OR4C11: variants seen among roughly 807,000 people sequenced by gnomAD.
The protein encoded by OR4C11 is olfactory receptor family 4 subfamily C member 11.
OR4C11 carries 15 observed loss-of-function variants against 14.7 expected under a neutral mutation model. The observed-to-expected ratio is 1.02, with a 90% CI of 0.68 to 1.58. The LOEUF (loss-of-function observed/expected upper bound fraction) is 1.58, where lower values mean the gene tolerates loss of function less well. Ranked by LOEUF, OR4C11 falls within the 40% of genes most tolerant of loss-of-function variation. OR4C11 has a pLI of 0.00. For missense variants in OR4C11, 473 were observed against 383.0 expected, an observed-to-expected ratio of 1.24 and a Z score of -1.96; for synonymous variants, 146 against 135.0, an observed-to-expected ratio of 1.08 and a Z score of -0.57.
Position 55,603,468 on chromosome 11 carries a change from G to T in OR4C11, c.906C>A (p.Gly302=). ...ATCCTTTGTTTTCTGAAATAATTTTGCCATGCCATAACTTTCTCATGGCAT... is the reference window on the plus strand; with the variant it reads ...ATCCTTTGTTTTCTGAAATAATTTTTCCATGCCATAACTTTCTCATGGCAT... ...VKNAMRKLWH[G]KIISENKG Residue 302 remains glycine (G), a synonymous_variant, in exon 4 of 4, where the codon GGC becomes GGA. Transcript: ENST00000641580. 1.4e-6 allele frequency: 2 copies of T among 1,441,434 alleles called. No homozygotes were observed. Among genetic ancestry groups the T allele is most frequent in the East Asian group, 2.6e-5 (1 of 38,414 alleles). 89.3% of individuals were successfully genotyped at this position (1,441,434 alleles called of 1,614,324 possible). A position where few individuals can be genotyped will look rare whatever the true frequency, so the allele number is the denominator to read the frequency against.
rs755442386 is a variant in OR4C11 at position 55,604,080 on chromosome 11, T to C, written c.294A>G (p.Gln98=). 15 of 1,485,876 alleles carry C rather than the reference T, an allele frequency of 1.0e-5. 2 individuals carry two copies. The African/African-American group carries it at 1.8e-4, about 18-fold the overall frequency. 92.0% of individuals were successfully genotyped at this position (1,485,876 alleles called of 1,614,324 possible). A position where few individuals can be genotyped will look rare whatever the true frequency, so the allele number is the denominator to read the frequency against. The change falls in exon 4 of 4, where the codon CAA becomes CAG. Residue 98 remains glutamine (Q), a synonymous_variant. Transcript: ENST00000641580. Reference sequence around the variant, plus strand: ...AGCCAAATAAATGTAGTGCAAAGACTTGTGTCATGCACTCATTGTAGGTTA... The same window carrying C: ...AGCCAAATAAATGTAGTGCAAAGACCTGTGTCATGCACTCATTGTAGGTTA... ...KIITYNECMT[Q]VFALHLFGCM... is the part of the protein sequence containing the mutation.
At position 55,603,133 on chromosome 11, in the gene OR4C11, G is replaced by C. The variant is rs577444007; in HGVS notation, c.*308C>G. 4.0e-4 allele frequency: 80 copies of C among 198,194 alleles called. 8 individuals carry two copies. The highest frequency in any genetic ancestry group is 1.8e-3 in the African/African-American group (77 of 42,404). 12.3% of individuals were successfully genotyped at this position (198,194 alleles called of 1,614,324 possible). A position where few individuals can be genotyped will look rare whatever the true frequency, so the allele number is the denominator to read the frequency against. On this transcript the variant is annotated 3_prime_UTR_variant, in exon 4 of 4. Transcript: ENST00000641580. ...AGAAGTAAGAAAATCAGATGCATTA[G>C]ATTAGAGTGCATAGAGATAGTCAGG... is the stretch of plus-strand genomic sequence containing the variant.
In OR4C11 at chr11:55,603,403, T is replaced by TG; in HGVS notation, c.*37dup. On this transcript the variant is annotated 3_prime_UTR_variant, in exon 4 of 4. Coordinates refer to ENST00000641580, the MANE Select transcript of OR4C11 (RefSeq NM_001004700.3). ...TGTCTATACTTACTCTGTTAAATCA[T>TG]GATTTGACTGAAAAAGTAATCAGGT... 3.9e-6 allele frequency: 4 copies of TG among 1,016,456 alleles called. 1 individual carries two copies. The highest frequency in any genetic ancestry group is 5.7e-6 in the Non-Finnish European group (4 of 707,360). 63.0% of individuals were successfully genotyped at this position (1,016,456 alleles called of 1,614,324 possible).
chr11:55,604,135 A>G lies in OR4C11; in HGVS notation c.239T>C (p.Ile80Thr). 1 of 1,469,836 alleles carries G rather than the reference A, an allele frequency of 6.8e-7. No individual in the cohort carries two copies. The highest frequency in any genetic ancestry group is 9.3e-7 in the Non-Finnish European group (1 of 1,078,778). The allele number at this position is 1,469,836 out of a possible 1,614,324, so 91.0% of individuals were successfully genotyped here. ...TTTCTTTTCAGAGAGAGCATCCACA[A>G]TTAATCTAGGGGCTGTGGAAGTTGA... ...CFSTSTAPRLIVDALSEKKII... is the reference protein window; with the variant it reads ...CFSTSTAPRLTVDALSEKKII... Residue 80 changes from isoleucine to threonine, a missense_variant, in exon 4 of 4, where the codon ATT (isoleucine) becomes ACT (threonine). Transcript: ENST00000641580.
At chr11:55,604,495 A>G (rs1328547137) in intron 3 of OR4C11, 78 bp from the exon 4 acceptor site, 2 of 438,500 alleles carry the variant, frequency 4.6e-6, no homozygotes, top group Non-Finnish European at 7.9e-6. Flanking sequence ...CAACTTTCCA[A>G]TGGCTTATTA....
In OR4C11 at chr11:55,605,112, T is replaced by C. The variant is rs1857943615; in HGVS notation, c.-45+14A>G. The C allele has an allele frequency of 1.4e-5, 2 of 138,854 alleles. 1 individual carries two copies. Among genetic ancestry groups the C allele is most frequent in the Non-Finnish European group, 3.2e-5 (2 of 62,216 alleles). 8.6% of individuals were successfully genotyped at this position (138,854 alleles called of 1,614,324 possible). On this transcript the variant is annotated intron_variant, in intron 3 of 3. Coordinates refer to ENST00000641580, the MANE Select transcript of OR4C11 (RefSeq NM_001004700.3). ...ACCTCTTGCCTTGACTATCTTTATTTCCTTTTAATTTACCTCTGAAAATTT... is the reference window on the plus strand; with the variant it reads ...ACCTCTTGCCTTGACTATCTTTATTCCCTTTTAATTTACCTCTGAAAATTT...
chr11:55,604,219 G>T lies in OR4C11; in HGVS notation c.155C>A (p.Thr52Lys). The T allele has an allele frequency of 6.7e-7, 1 of 1,481,752 alleles. No homozygotes were observed. 91.8% of individuals were successfully genotyped at this position (1,481,752 alleles called of 1,614,324 possible). A position where few individuals can be genotyped will look rare whatever the true frequency, so the allele number is the denominator to read the frequency against. Residue 52 changes from threonine (T) to lysine (K), a missense_variant, in exon 4 of 4, where the codon ACA (threonine) becomes AAA (lysine). Transcript: ENST00000641580. ...AAAGAAGTACATGGGGCTTCCTAGT[G>T]TCCGGCTGGACTTGATGGTCACAAT... ...LIIVTIKSSR[T>K]LGSPMYFFLF... is the part of the protein sequence containing the mutation.
chr11:55,605,478 G>A (rs1323525968), intron 2 of OR4C11, among the ~76,000 whole-genome samples, 191 bp from the exon 3 acceptor site: 1 of 138,030 alleles, frequency 7.2e-6, no homozygotes, highest in African/African-American at 2.5e-5. Flanking sequence ...TCAAGAAAGA[G>A]AAGTTAAATA....
At position 55,605,121 on chromosome 11, in the gene OR4C11, T is replaced by C. The variant is rs1191653600; in HGVS notation, c.-45+5A>G. ...CTTGACTATCTTTATTTCCTTTTAA[T>C]TTACCTCTGAAAATTTTCTAATTAT... On this transcript the variant is annotated splice_donor_5th_base_variant and intron_variant, in intron 3 of 3. Coordinates refer to ENST00000641580, the MANE Select transcript of OR4C11 (RefSeq NM_001004700.3). 2 of 138,892 alleles carry C rather than the reference T, an allele frequency of 1.4e-5. No homozygotes were observed. Among genetic ancestry groups the C allele is most frequent in the Non-Finnish European group, 3.2e-5 (2 of 62,238 alleles). The allele number at this position is 138,892 out of a possible 1,614,324, so 8.6% of individuals were successfully genotyped here.
In OR4C11 at chr11:55,604,207, G is replaced by C; in HGVS notation, c.167C>G (p.Pro56Arg). The change falls in exon 4 of 4, where the codon CCC (proline) becomes CGC (arginine). Residue 56 changes from proline (P) to arginine (R), a missense_variant. By Grantham distance (103) the Pro-to-Arg change is moderately radical (BLOSUM62 -2). Coordinates refer to ENST00000641580, the MANE Select transcript of OR4C11 (RefSeq NM_001004700.3). ...TIKSSRTLGS[P>R]MYFFLFYLSF... ...CAAATAAAATAGAAAGAAGTACATG[G>C]GGCTTCCTAGTGTCCGGCTGGACTT... 1.3e-6 allele frequency: 2 copies of C among 1,482,398 alleles called. 1 individual carries two copies. The highest frequency in any genetic ancestry group is 1.8e-6 in the Non-Finnish European group (2 of 1,089,256). The allele number at this position is 1,482,398 out of a possible 1,614,324, so 91.8% of individuals were successfully genotyped here.
Position 55,603,761 on chromosome 11 carries a change from A to C in OR4C11, c.613T>G (p.Cys205Gly), listed in dbSNP as rs372201740. 112 of 1,490,438 alleles carry C rather than the reference A, an allele frequency of 7.5e-5. 26 individuals are homozygous for C. The highest frequency in any genetic ancestry group is 1.0e-4 in the Non-Finnish European group (110 of 1,095,576). The allele number at this position is 1,490,438 out of a possible 1,614,324, so 92.3% of individuals were successfully genotyped here. ...ATCAAAATCATGAAACTACTTGAGCAAATTGCCCCACTGTTAGACACCAAC... is the reference window on the plus strand; with the variant it reads ...ATCAAAATCATGAAACTACTTGAGCCAATTGCCCCACTGTTAGACACCAAC... ...LLLVSNSGAI[C>G]SSSFMILIIS... Residue 205 changes from cysteine (C) to glycine (G), a missense_variant, in exon 4 of 4, where the codon TGC becomes GGC. By Grantham distance (159) the Cys-to-Gly change is radical (BLOSUM62 -3). Transcript: ENST00000641580.
Position 55,604,119 on chromosome 11 carries a change from A to G in OR4C11, c.255T>C (p.Ser85=). 2.7e-6 allele frequency: 4 copies of G among 1,479,138 alleles called. 1 individual carries two copies. The highest frequency in any genetic ancestry group is 3.7e-6 in the Non-Finnish European group (4 of 1,087,078). 91.6% of individuals were successfully genotyped at this position (1,479,138 alleles called of 1,614,324 possible). A position where few individuals can be genotyped will look rare whatever the true frequency, so the allele number is the denominator to read the frequency against. The part of the protein sequence containing the change: ...TAPRLIVDAL[S]EKKIITYNEC... ...CATTGTAGGTTATAATTTTCTTTTC[A>G]GAGAGAGCATCCACAATTAATCTAG... The change falls in exon 4 of 4, where the codon TCT becomes TCC. Residue 85 remains serine (S), a synonymous_variant. Coordinates refer to ENST00000641580, the MANE Select transcript of OR4C11 (RefSeq NM_001004700.3).
chr11:55,602,506 A>T lies in OR4C11; in HGVS notation c.*935T>A, dbSNP rs748876187. 2.9e-5 allele frequency: 4 copies of T among 138,054 alleles called. 1 individual carries two copies. The highest frequency in any genetic ancestry group is 6.4e-5 in the Non-Finnish European group (4 of 62,124). The allele number at this position is 138,054 out of a possible 1,614,324, so 8.6% of individuals were successfully genotyped here. ...ATTCCATTGCCAATTCTAACTTGTG[A>T]TTCTATGCAGCCCCAATTATTAGGA... On this transcript the variant is annotated 3_prime_UTR_variant, in exon 4 of 4. Transcript: ENST00000641580.
Position 55,603,674 on chromosome 11 carries a change from C to T in OR4C11, c.700G>A (p.Ala234Thr), listed in dbSNP as rs773720877. Residue 234 changes from alanine (A) to threonine (T), a missense_variant, in exon 4 of 4, where the codon GCT becomes ACT. Ala to Thr is a moderately conservative substitution (Grantham distance 58, BLOSUM62 0). Coordinates refer to ENST00000641580, the MANE Select transcript of OR4C11 (RefSeq NM_001004700.3). Reference sequence around the variant, plus strand: ...ATGTGAGACGTGCAAGCGGAGAGAGCCTTTTTCTTCCCTTTGGCACTGTGG... The same window carrying T: ...ATGTGAGACGTGCAAGCGGAGAGAGTCTTTTTCTTCCCTTTGGCACTGTGG... Reference protein sequence around the residue: ...RNHSAKGKKKALSACTSHIIV... With the variant: ...RNHSAKGKKKTLSACTSHIIV... 4 of 1,478,448 alleles carry T rather than the reference C, an allele frequency of 2.7e-6. No homozygotes were observed. The highest frequency in any genetic ancestry group is 2.8e-6 in the Non-Finnish European group (3 of 1,084,842). 91.6% of individuals were successfully genotyped at this position (1,478,448 alleles called of 1,614,324 possible).
chr11:55,606,396 C>A (rs35862248), intron 2 of OR4C11, 126 bp downstream of exon 2: 5 of 136,976 alleles, frequency 3.7e-5, no homozygotes, highest in African/African-American at 1.3e-4. Context: ...TGACTCTGAG[C>A]GGGGAAATTG....
rs559639177 is a variant in OR4C11, at chr11:55,605,841, T to A, written c.-206-554A>T. On this transcript the variant is annotated intron_variant, in intron 2 of 3. Coordinates refer to ENST00000641580, the MANE Select transcript of OR4C11 (RefSeq NM_001004700.3). ...AAATTCCAGTTAGATAATTTTCACCTATCAGGTTAATAAAGTAATCCTTTT... is the reference window on the plus strand; with the variant it reads ...AAATTCCAGTTAGATAATTTTCACCAATCAGGTTAATAAAGTAATCCTTTT... 1.4e-4 allele frequency among the ~76,000 whole-genome samples: 20 copies of A among 138,864 alleles called. 4 individuals carry two copies. Among genetic ancestry groups the A allele is most frequent in the Non-Finnish European group, 2.4e-4 (15 of 62,312 alleles). The allele number at this position is 138,864 out of a possible 152,430, so 91.1% of individuals were successfully genotyped here. A position where few individuals can be genotyped will look rare whatever the true frequency, so the allele number is the denominator to read the frequency against.
rs1252520419 is a variant in OR4C11 at position 55,602,410 on chromosome 11, A to C, written c.*1031T>G. ...ACACTTATTACACTGAAACAGATGAATATTAAAAGTCCATAATATGAATAT... is the reference window on the plus strand; with the variant it reads ...ACACTTATTACACTGAAACAGATGACTATTAAAAGTCCATAATATGAATAT... On this transcript the variant is annotated 3_prime_UTR_variant, in exon 4 of 4. Transcript: ENST00000641580. The C allele has an allele frequency of 7.2e-6, 1 of 138,684 alleles. No individual in the cohort carries two copies. Among genetic ancestry groups the C allele is most frequent in the Admixed American group, 7.8e-5 (1 of 12,768 alleles). The allele number at this position is 138,684 out of a possible 1,614,324, so 8.6% of individuals were successfully genotyped here.
chr11:55,605,828 G>T (rs1405987063), intron 2 of OR4C11, among the ~76,000 whole-genome samples: 2 of 138,330 alleles, frequency 1.4e-5, no homozygotes, highest in Non-Finnish European at 3.2e-5. Flanking sequence ...ATTCCAGTTA[G>T]ATAATTTTCA....
Position 55,603,980 on chromosome 11 carries a change from T to G in OR4C11, c.394A>C (p.Thr132Pro). 7 of 1,490,016 alleles carry G rather than the reference T, an allele frequency of 4.7e-6. 2 individuals carry two copies. Among genetic ancestry groups the G allele is most frequent in the Non-Finnish European group, 6.4e-6 (7 of 1,096,624 alleles). The allele number at this position is 1,490,016 out of a possible 1,614,324, so 92.3% of individuals were successfully genotyped here. The change falls in exon 4 of 4, where the codon ACC (threonine) becomes CCC (proline). Residue 132 changes from threonine to proline, a missense_variant. Coordinates refer to ENST00000641580, the MANE Select transcript of OR4C11 (RefSeq NM_001004700.3). ...ATGCAGACCTGCTGGCTCATGATGGTTGGGTAACGCAAGGGCTTACAGATG... is the reference window on the plus strand; with the variant it reads ...ATGCAGACCTGCTGGCTCATGATGGGTGGGTAACGCAAGGGCTTACAGATG... ...VAICKPLRYP[T>P]IMSQQVCIIL...
Sources: gnomAD v4.1 joint callset for allele counts (sites outside exome capture counted in the v4.1 genomes callset) on GRCh38, gnomAD v4.1.1 for gene constraint, MANE v1.5 for transcripts, NCBI Gene and HGNC (gene_info 2026-07-23, HGNC 2026-07-21) for gene names.